The following KCNAB1 variants were observed in gnomAD, a reference collection of about 807,000 sequenced individuals.
KCNAB1 encodes the protein voltage-gated potassium channel subunit beta-1.
In KCNAB1, 35 loss-of-function variants were observed where a neutral mutation model predicts 64.6. The observed-to-expected ratio is 0.54, with a 90% CI of 0.41 to 0.72. The LOEUF is 0.72. KCNAB1 is among the 30% of genes least tolerant of loss of function. The pLI is 0.00. For missense variants in KCNAB1, 401 were observed against 512.9 expected (o/e 0.78, Z 2.11); for synonymous variants, 177 against 183.8 (o/e 0.96, Z 0.30).
chr3:156,277,067 G>T (rs1232049752), intron 1 of KCNAB1, among the ~76,000 whole-genome samples: 1 of 152,070 alleles, frequency 6.6e-6, no homozygotes, highest in Non-Finnish European at 1.5e-5. Context: ...TCACTGAGAG[G>T]CCATTGTAGG....
chr3:156,312,398 A>G (rs1456179491), intron 1 of KCNAB1, among the ~76,000 whole-genome samples: 1 of 152,208 alleles, frequency 6.6e-6, no homozygotes, highest in African/African-American at 2.4e-5. Context: ...AAAACCAACA[A>G]AATTTCCCCA....
At chr3:156,404,596 G>C (rs1444320782) in intron 1 of KCNAB1, among the ~76,000 whole-genome samples, 6 of 148,272 alleles carry the variant, frequency 4.0e-5, no homozygotes, top group African/African-American at 1.5e-4. Flanking sequence ...CAGATAAATA[G>C]GTTAAGGCAA....
chr3:156,259,320 T>C (rs1718293318), intron 1 of KCNAB1, among the ~76,000 whole-genome samples: 1 of 151,990 alleles, frequency 6.6e-6, no homozygotes, highest in African/African-American at 2.4e-5. Context: ...CTCAGAAGAG[T>C]TGACTATTAA....
intron 1 of KCNAB1, among the ~76,000 whole-genome samples, chr3:156,198,991 G>C (rs1316605306): frequency 1.5e-5 from 2 of 135,100 alleles, no homozygotes; most frequent in African/African-American, 2.9e-5. Context: ...CTTCCTTCAG[G>C]AGCTCTTGTA....
chr3:156,249,599 G>GAAAAAAAAT (rs1717698032), intron 1 of KCNAB1, among the ~76,000 whole-genome samples: 1 of 151,692 alleles, frequency 6.6e-6, no homozygotes, highest in African/African-American at 2.4e-5. Flanking sequence ...AGAAAAAAAA[G>GAAAAAAAAT]TAAATGCAGA....
intron 1 of KCNAB1, among the ~76,000 whole-genome samples, chr3:156,177,295 C>T (rs1712442341): frequency 6.6e-6 from 1 of 152,196 alleles, no homozygotes; most frequent in Admixed American, 6.5e-5. Flanking sequence ...CATGGCCAAT[C>T]CTGCTCACTA....
chr3:156,469,248 CTTTTTTT>C (rs34567814), intron 7 of KCNAB1, among the ~76,000 whole-genome samples: 6 of 72,974 alleles, frequency 8.2e-5, no homozygotes, highest in South Asian at 1.2e-3. Flanking sequence ...TTCTTTCTTT[CTTTTTTT>C]TTTTTTTTTT....
intron 8 of KCNAB1, among the ~76,000 whole-genome samples, chr3:156,497,632 T>G (rs1414373678): frequency 6.6e-6 from 1 of 152,186 alleles, no homozygotes; most frequent in Non-Finnish European, 1.5e-5. Flanking sequence ...GATCAGAAAT[T>G]TAAGACTTGA....
chr3:156,480,259 T>G (rs554408971), intron 8 of KCNAB1, among the ~76,000 whole-genome samples: 2 of 152,136 alleles, frequency 1.3e-5, no homozygotes, highest in African/African-American at 4.8e-5. Context: ...GCAAATATTA[T>G]CAGGGAGCTG....
chr3:156,367,613 C>G (rs1726029818), intron 1 of KCNAB1, among the ~76,000 whole-genome samples: 1 of 152,186 alleles, frequency 6.6e-6, no homozygotes, highest in Admixed American at 6.5e-5. Flanking sequence ...GTTTTAGTAG[C>G]TGGCAATTTT....
chr3:156,244,258 G>A (rs578162752), intron 1 of KCNAB1, among the ~76,000 whole-genome samples: 1 of 152,070 alleles, frequency 6.6e-6, no homozygotes, highest in African/African-American at 2.4e-5. Context: ...TCTTTGGTCT[G>A]GCTCCTTCTT....
chr3:156,149,244 CA>C (rs1336133812), intron 1 of KCNAB1, among the ~76,000 whole-genome samples: 1 of 151,746 alleles, frequency 6.6e-6, no homozygotes, highest in East Asian at 1.9e-4. Flanking sequence ...GATGGTAGAC[CA>C]AGAAGGAAAC....
intron 1 of KCNAB1, among the ~76,000 whole-genome samples, chr3:156,232,569 G>A (rs1276647729): frequency 6.6e-6 from 1 of 152,198 alleles, no homozygotes; most frequent in Non-Finnish European, 1.5e-5. Flanking sequence ...TTTTACTACT[G>A]ATCAATGCAC....
intron 7 of KCNAB1, among the ~76,000 whole-genome samples, chr3:156,466,773 C>T (rs1410405765): frequency 6.6e-6 from 1 of 151,990 alleles, no homozygotes; most frequent in Non-Finnish European, 1.5e-5. Context: ...AAACAGTCAA[C>T]AAGAACCATT....
intron 1 of KCNAB1, among the ~76,000 whole-genome samples, chr3:156,127,115 G>T (rs1453492792): frequency 6.6e-6 from 1 of 151,582 alleles, no homozygotes; most frequent in Non-Finnish European, 1.5e-5. Context: ...ATCAATTTTG[G>T]TGCTCACCTC....
chr3:156,305,138 G>A (rs148753890), intron 1 of KCNAB1, among the ~76,000 whole-genome samples: 1 of 152,010 alleles, frequency 6.6e-6, no homozygotes, highest in East Asian at 1.9e-4. Context: ...TTTCATAATT[G>A]CAAGCGACCA....
At chr3:156,121,408 CT>C (rs1315560223) in intron 1 of KCNAB1, among the ~76,000 whole-genome samples, 3 of 152,146 alleles carry the variant, frequency 2.0e-5, no homozygotes, top group African/African-American at 7.2e-5. Flanking sequence ...AGCCCCGTGT[CT>C]AAGACAGATA....
At position 156,158,807 on chromosome 3, in the gene KCNAB1, A is replaced by G. The variant is rs150980356; in HGVS notation, c.275+37921A>G. Among the ~76,000 whole-genome samples, 26 of 152,282 alleles carry G rather than the reference A, an allele frequency of 1.7e-4. No individual in the cohort carries two copies. The East Asian group carries it at 4.4e-3, about 26-fold the overall frequency. On this transcript the variant is annotated intron_variant, in intron 1 of 13. Transcript: ENST00000490337. Reference sequence around the variant, plus strand: ...TGTGACTGACAACTGTCAGGGTTACACCCTACCTCATTCACTCCCAGAAGG... The same window carrying G: ...TGTGACTGACAACTGTCAGGGTTACGCCCTACCTCATTCACTCCCAGAAGG...
At chr3:156,264,108 A>G (rs1330293042) in intron 1 of KCNAB1, among the ~76,000 whole-genome samples, 1 of 152,128 alleles carries the variant, frequency 6.6e-6, no homozygotes, top group Non-Finnish European at 1.5e-5. Flanking sequence ...ATATACATTT[A>G]TAATTGTCAT....
Sources: gnomAD v4.1 joint callset for allele counts (sites outside exome capture counted in the v4.1 genomes callset) on GRCh38, gnomAD v4.1.1 for gene constraint, MANE v1.5 for transcripts, NCBI Gene and HGNC (gene_info 2026-07-23, HGNC 2026-07-21) for gene names.